The following CDH12 variants were observed in gnomAD, a reference collection of about 807,000 sequenced individuals.
The protein encoded by CDH12 is cadherin-12.
A neutral mutation model predicts 74.1 loss-of-function variants in CDH12; 41 were observed. The ratio of observed to expected loss-of-function variants is 0.55; its 90% confidence interval spans 0.43 to 0.72. CDH12 has a LOEUF of 0.72. Among genes scored for constraint, CDH12 ranks in the 30% least tolerant of loss-of-function variants. The pLI is 0.00. For missense variants in CDH12, 945 were observed against 977.2 expected (o/e 0.97, Z 0.44); for synonymous variants, 399 against 355.0 (o/e 1.12, Z -1.39).
intron 2 of CDH12, among the ~76,000 whole-genome samples, chr5:22,503,239 T>A (rs1301828259): frequency 6.6e-6 from 1 of 152,098 alleles, no homozygotes; most frequent in Non-Finnish European, 1.5e-5. Flanking sequence ...GAGAAATGAA[T>A]AGAATGAGAG....
At chr5:22,149,764 G>T (rs561252132) in intron 4 of CDH12, among the ~76,000 whole-genome samples, 1 of 151,918 alleles carries the variant, frequency 6.6e-6, no homozygotes, top group Non-Finnish European at 1.5e-5. Flanking sequence ...GAGCCACCAC[G>T]TCTGGGTGGA....
At chr5:22,640,804 C>T (rs145160460) in intron 1 of CDH12, among the ~76,000 whole-genome samples, 3 of 152,244 alleles carry the variant, frequency 2.0e-5, no homozygotes, top group African/African-American at 7.2e-5. Context: ...TTATGTCTTG[C>T]TTGGAAAATG....
intron 5 of CDH12, among the ~76,000 whole-genome samples, chr5:21,992,565 G>A (rs568794754): frequency 7.2e-5 from 11 of 151,960 alleles, no homozygotes; most frequent in Non-Finnish European, 1.3e-4. Context: ...GTGTGCATAC[G>A]TGTTCGTAGA....
At chr5:22,576,935 T>C (rs1055386502) in intron 1 of CDH12, among the ~76,000 whole-genome samples, 2 of 152,136 alleles carry the variant, frequency 1.3e-5, no homozygotes, top group Non-Finnish European at 2.9e-5. Flanking sequence ...TCCACATTTC[T>C]CAAAGGAATA....
chr5:22,750,533 A>G (rs1254363968), intron 1 of CDH12, among the ~76,000 whole-genome samples: 1 of 152,154 alleles, frequency 6.6e-6, no homozygotes, highest in African/African-American at 2.4e-5. Flanking sequence ...AAAATATTAC[A>G]AGGTGTGAGA....
At chr5:21,913,114 A>G (rs192737283) in intron 6 of CDH12, among the ~76,000 whole-genome samples, 243 of 152,274 alleles carry the variant, frequency 1.6e-3, no homozygotes, top group Non-Finnish European at 1.9e-3. Flanking sequence ...AAGTGCTAGG[A>G]TTACAGACAT....
chr5:22,119,332 C>T lies in CDH12; in HGVS notation c.-186-40470G>A, dbSNP rs1177875115. On this transcript the variant is annotated intron_variant, in intron 4 of 14. Transcript: ENST00000382254. ...CTGAGATGGAGTCTTGATGTGTTGC[C>T]CAGGCTGGAGTGCGGTGGCCTGATC... is the stretch of plus-strand genomic sequence containing the variant. Among the ~76,000 whole-genome samples, 7 of 147,922 alleles carry T rather than the reference C, an allele frequency of 4.7e-5. No homozygotes were observed. In the East Asian group the frequency reaches 1.4e-3, roughly 29 times the overall value.
intron 1 of CDH12, among the ~76,000 whole-genome samples, chr5:22,732,993 A>C (rs1005280289): frequency 2.6e-5 from 4 of 151,958 alleles, no homozygotes; most frequent in Admixed American, 6.6e-5. Flanking sequence ...ATGAATACTT[A>C]AGCATTTGAT....
At chr5:21,905,988 AAAG>A (rs1215032844) in intron 6 of CDH12, among the ~76,000 whole-genome samples, 2 of 152,214 alleles carry the variant, frequency 1.3e-5, no homozygotes, top group African/African-American at 2.4e-5. Context: ...ATTTAGAAGA[AAAG>A]AAGGAAGAAT....
chr5:21,778,629 C>T, intron 11 of CDH12, among the ~76,000 whole-genome samples: 1 of 151,230 alleles, frequency 6.6e-6, no homozygotes. Context: ...ATCTAATTTC[C>T]CTGGAATTCA....
chr5:22,228,556 A>C (rs1039284370), intron 3 of CDH12, among the ~76,000 whole-genome samples: 4 of 152,204 alleles, frequency 2.6e-5, no homozygotes, highest in African/African-American at 9.6e-5. Context: ...CTCATGTTTT[A>C]TAAAAGAATA....
intron 1 of CDH12, among the ~76,000 whole-genome samples, chr5:22,661,000 G>T (rs1053036589): frequency 1.3e-4 from 20 of 152,264 alleles, no homozygotes; most frequent in African/African-American, 4.8e-4. Flanking sequence ...TGAGGAATCT[G>T]AGATGGGTAA....
intron 8 of CDH12, among the ~76,000 whole-genome samples, chr5:21,829,420 A>AT (rs1748880036): frequency 6.6e-6 from 1 of 152,270 alleles, no homozygotes; most frequent in Non-Finnish European, 1.5e-5. Flanking sequence ...GAAAATGATA[A>AT]TTTTTTCATC....
At chr5:22,574,737 A>G (rs2126771677) in intron 1 of CDH12, among the ~76,000 whole-genome samples, 1 of 152,270 alleles carries the variant, frequency 6.6e-6, no homozygotes, top group South Asian at 2.1e-4. Flanking sequence ...AAATGCTATC[A>G]GGTATAGTCA....
intron 1 of CDH12, among the ~76,000 whole-genome samples, chr5:22,676,573 A>G (rs997834773): frequency 6.6e-6 from 1 of 152,206 alleles, no homozygotes; most frequent in Non-Finnish European, 1.5e-5. Context: ...TGTTTTTAAC[A>G]TCAACATTTC....
rs77150924 is a variant in CDH12 at position 22,223,236 on chromosome 5, T to C, written c.-332-10593A>G. 8.2e-3 allele frequency among the ~76,000 whole-genome samples: 1,254 copies of C among 152,108 alleles called. 10 individuals carry two copies. Among genetic ancestry groups the C allele is most frequent in the African/African-American group, 0.028 (1,173 of 41,520 alleles). ...CTTAATGCTAAGCAGGTCTGCAGTT[T>C]GGTAGCAAGCATGAATGACTCATGG... On this transcript the variant is annotated intron_variant, in intron 3 of 14. Coordinates refer to ENST00000382254, the MANE Select transcript of CDH12 (RefSeq NM_004061.5).
intron 4 of CDH12, among the ~76,000 whole-genome samples, chr5:22,091,043 C>A (rs945410492): frequency 6.6e-6 from 1 of 151,650 alleles, no homozygotes; most frequent in East Asian, 1.9e-4. Flanking sequence ...ACACTCTCCT[C>A]GTGTCTTTAC....
chr5:21,967,802 A>G (rs1267955230), intron 6 of CDH12, among the ~76,000 whole-genome samples: 1 of 152,124 alleles, frequency 6.6e-6, no homozygotes, highest in Non-Finnish European at 1.5e-5. Flanking sequence ...CAGCCATAAC[A>G]TCCTATGGCC....
intron 3 of CDH12, among the ~76,000 whole-genome samples, chr5:22,293,891 A>G (rs962091404): frequency 2.0e-5 from 3 of 152,196 alleles, no homozygotes; most frequent in African/African-American, 7.2e-5. Context: ...TCAGTTACAT[A>G]GAAAAAATAA....
Sources: allele counts gnomAD v4.1 joint callset (sites outside exome capture counted in the v4.1 genomes callset), GRCh38; gene constraint gnomAD v4.1.1; transcripts MANE v1.5; gene names NCBI Gene and HGNC (gene_info 2026-07-23, HGNC 2026-07-21).